The following ADI1 variants were observed in gnomAD, a reference collection of about 807,000 sequenced individuals.
ADI1 encodes acireductone dioxygenase.
ADI1 carries 21 observed loss-of-function variants against 18.7 expected under a neutral mutation model. The ratio of observed to expected loss-of-function variants is 1.13; its 90% CI spans 0.80 to 1.62. The LOEUF is 1.62. Ranked by LOEUF, ADI1 falls within the 40% of genes most tolerant of loss-of-function variation. ADI1 has a pLI of 0.00. For missense variants in ADI1, 245 were observed against 254.9 expected (o/e 0.96, Z 0.26); for synonymous variants, 90 against 100.1 (o/e 0.90, Z 0.60).
At chr2:3,505,091 T>C (rs1380435241) in intron 2 of ADI1, among the ~76,000 whole-genome samples, 1 of 152,242 alleles carries the variant, frequency 6.6e-6, no homozygotes, top group Non-Finnish European at 1.5e-5. Flanking sequence ...GCATTGTTGG[T>C]TCACCTGTGT....
chr2:3,500,492 G>A, intron 3 of ADI1: 2 of 482,114 alleles, frequency 4.1e-6, no homozygotes, highest in Non-Finnish European at 3.7e-6. Flanking sequence ...GCCAAGCAAG[G>A]GCTGGGGCAG....
intron 2 of ADI1, among the ~76,000 whole-genome samples, chr2:3,502,797 G>A (rs1349712675): frequency 1.3e-5 from 2 of 152,088 alleles, no homozygotes; most frequent in Non-Finnish European, 2.9e-5. Flanking sequence ...ACATCCTCAG[G>A]CTAAGACAGA....
intron 3 of ADI1, chr2:3,500,529 C>A: frequency 5.4e-6 from 1 of 184,482 alleles, no homozygotes. Context: ...GTGTACCTGC[C>A]GCCGCATGTA....
rs1470036043 is a variant in ADI1 at position 3,500,918 on chromosome 2, C to T, written c.316G>A (p.Asp106Asn). The change falls in exon 3 of 4, where the codon GAT becomes AAT. Residue 106 changes from aspartate (D) to asparagine (N), a missense_variant. Asp to Asn is a conservative substitution (Grantham distance 23, BLOSUM62 1). Coordinates refer to ENST00000327435, the MANE Select transcript of ADI1 (RefSeq NM_018269.4). ...CACTGGTCCTCCTTGTCCCTCACAT[C>T]GAAGTACCCACTGCCATCCAGGATG... Reference protein sequence around the residue: ...RYILDGSGYFDVRDKEDQWIR... With the variant: ...RYILDGSGYFNVRDKEDQWIR... The T allele has an allele frequency of 1.2e-6, 2 of 1,614,174 alleles. No homozygotes were observed. Among genetic ancestry groups the T allele is most frequent in the Non-Finnish European group, 1.7e-6 (2 of 1,180,014 alleles).
intron 2 of ADI1, among the ~76,000 whole-genome samples, chr2:3,511,809 C>T (rs1667299924): frequency 6.6e-6 from 1 of 152,176 alleles, no homozygotes; most frequent in South Asian, 2.1e-4. Flanking sequence ...GATAGTCATA[C>T]AGACAATAAA....
chr2:3,503,799 G>C (rs964422113), intron 2 of ADI1, among the ~76,000 whole-genome samples: 2 of 152,196 alleles, frequency 1.3e-5, no homozygotes, highest in Non-Finnish European at 2.9e-5. Flanking sequence ...TGCCAAGCCT[G>C]AGGTCTGGGA....
At chr2:3,516,092 A>C in intron 1 of ADI1, 3 of 967,844 alleles carry the variant, frequency 3.1e-6, no homozygotes, top group Non-Finnish European at 3.7e-6. Context: ...ACGAATGTTG[A>C]AACTTAACAC....
At chr2:3,518,902 T>G (rs1023869139) in intron 1 of ADI1, among the ~76,000 whole-genome samples, 2 of 152,120 alleles carry the variant, frequency 1.3e-5, no homozygotes, top group Non-Finnish European at 2.9e-5. Context: ...GCGCAGCGAG[T>G]CCCGGCTGCG....
intron 2 of ADI1, among the ~76,000 whole-genome samples, chr2:3,512,497 T>C (rs1415249609): frequency 6.6e-6 from 1 of 152,134 alleles, no homozygotes; most frequent in Non-Finnish European, 1.5e-5. Flanking sequence ...TCTGCTAGGG[T>C]TCTGGCCTCA....
chr2:3,514,698 G>A, intron 1 of ADI1: 3 of 1,398,024 alleles, frequency 2.1e-6, no homozygotes, highest in Admixed American at 2.3e-5. Context: ...GCACTTCCCT[G>A]ATGAAGCTCC....
At chr2:3,499,106 A>G (rs763691922) in intron 3 of ADI1, 24 bp from the exon 4 acceptor site, 2 of 1,607,916 alleles carry the variant, frequency 1.2e-6, no homozygotes, top group Non-Finnish European at 1.7e-6. Context: ...AAACACACCC[A>G]GCATCTCATT....
intron 2 of ADI1, among the ~76,000 whole-genome samples, chr2:3,503,504 C>T (rs6749249): frequency 0.048 from 4,244 of 87,954 alleles, 1,248 homozygotes; most frequent in African/African-American, 0.17. Flanking sequence ...TACACACACA[C>T]GCCTACATTC....
intron 1 of ADI1, among the ~76,000 whole-genome samples, chr2:3,514,355 T>C (rs555824301): frequency 1.3e-5 from 2 of 152,298 alleles, no homozygotes; most frequent in African/African-American, 2.4e-5. Context: ...CTCAATGCCA[T>C]CTCTTTGGTC....
At chr2:3,514,907 C>G (rs1297466086) in intron 1 of ADI1, 1 of 1,533,014 alleles carries the variant, frequency 6.5e-7, no homozygotes, top group Non-Finnish European at 8.8e-7. Flanking sequence ...ATTTCACGGA[C>G]ATCTATCAGT....
intron 2 of ADI1, 22 bp downstream of exon 2, chr2:3,513,835 A>T (rs1372706446): frequency 3.8e-6 from 6 of 1,579,086 alleles, no homozygotes; most frequent in Non-Finnish European, 5.1e-6. Context: ...CTTCTTTTCC[A>T]GGTAATCCAG....
At chr2:3,500,135 A>T (rs1240263481) in intron 3 of ADI1, among the ~76,000 whole-genome samples, 1 of 151,900 alleles carries the variant, frequency 6.6e-6, no homozygotes, top group African/African-American at 2.4e-5. Context: ...TCTAAAAATA[A>T]TTTTTTTAGT....
intron 1 of ADI1, chr2:3,515,338 T>G (rs1417739697): frequency 6.5e-6 from 1 of 153,940 alleles, no homozygotes; most frequent in African/African-American, 2.4e-5. Context: ...CTTATGCGGT[T>G]GAGATAAGGA....
intron 2 of ADI1, among the ~76,000 whole-genome samples, chr2:3,504,078 C>T (rs1667114929): frequency 6.6e-6 from 1 of 152,222 alleles, no homozygotes; most frequent in Non-Finnish European, 1.5e-5. Context: ...ACTTTCCACA[C>T]ATTTCTTACT....
chr2:3,501,052 C>T, intron 2 of ADI1, 59 bp from the exon 3 acceptor site: 1 of 1,458,338 alleles, frequency 6.9e-7, no homozygotes, highest in Non-Finnish European at 9.2e-7. Context: ...AAGCTCACAC[C>T]CACCCACTCA....
Sources: gnomAD v4.1 joint callset for allele counts (sites outside exome capture counted in the v4.1 genomes callset) on GRCh38, gnomAD v4.1.1 for gene constraint, MANE v1.5 for transcripts, NCBI Gene and HGNC (gene_info 2026-07-23, HGNC 2026-07-21) for gene names.